Variants in TIAM1 observed in about 807,000 individuals in gnomAD.
TIAM1 encodes TIAM Rac1 associated GEF 1.
A neutral mutation model predicts 163.5 loss-of-function variants in TIAM1; 65 were observed. The ratio of observed to expected loss-of-function variants is 0.40; its 90% CI spans 0.33 to 0.49. TIAM1 has a LOEUF of 0.49. TIAM1 is among the 20% of genes least tolerant of loss of function. TIAM1 has a pLI of 0.77. For synonymous variants in TIAM1, 833 were observed against 810.1 expected (o/e 1.03, Z -0.48); for missense variants, 1,789 against 2,044.7 (o/e 0.87, Z 2.41).
intron 17 of TIAM1, 25 bp from the exon 18 acceptor site, chr21:31,153,159 T>C: frequency 6.3e-7 from 1 of 1,578,414 alleles, no homozygotes; most frequent in Non-Finnish European, 8.7e-7. Context: ...GAGAACTCAT[T>C]AGCTTATGTG....
At chr21:31,165,156 C>T (rs1387936653) in intron 15 of TIAM1, 91 bp from the exon 16 acceptor site, 2 of 1,140,424 alleles carry the variant, frequency 1.8e-6, no homozygotes, top group East Asian at 4.9e-5. Context: ...GAATCTCGCT[C>T]ATGACATGTA....
intron 1 of TIAM1, among the ~76,000 whole-genome samples, chr21:31,554,353 A>G (rs575123614): frequency 1.3e-5 from 2 of 152,286 alleles, no homozygotes; most frequent in Non-Finnish European, 2.9e-5. Flanking sequence ...AGCTGGAATA[A>G]ATAATACAGG....
At chr21:31,188,090 T>C (rs1359353070) in intron 13 of TIAM1, among the ~76,000 whole-genome samples, 1 of 152,050 alleles carries the variant, frequency 6.6e-6, no homozygotes, top group Non-Finnish European at 1.5e-5. Context: ...TTTTGTAAGA[T>C]TGGGTTCCAG....
intron 1 of TIAM1, among the ~76,000 whole-genome samples, chr21:31,492,263 C>T (rs1396818913): frequency 6.6e-6 from 1 of 152,146 alleles, no homozygotes; most frequent in Non-Finnish European, 1.5e-5. Context: ...TAAAAAGCTA[C>T]ATACCTCCCT....
chr21:31,425,493 C>T (rs1384673155), intron 2 of TIAM1, among the ~76,000 whole-genome samples: 1 of 151,954 alleles, frequency 6.6e-6, no homozygotes, highest in Admixed American at 6.6e-5. Flanking sequence ...TTTAAGTCAA[C>T]TAGGGATCTT....
chr21:31,217,525 C>G lies in TIAM1; in HGVS notation c.2142+28G>C, dbSNP rs749610560. 2.5e-6 allele frequency: 4 copies of G among 1,608,220 alleles called. No individual in the cohort carries two copies. The African/African-American group carries it at 4.0e-5, about 16-fold the overall frequency. ...TGGCCACAGAAGTGATTTGTGCGGG[C>G]TCACTTTTCATCTGCTCTGGAACCT... On this transcript the variant is annotated intron_variant, in intron 9 of 27. Transcript: ENST00000541036.
At chr21:31,558,529 T>C (rs2048974657) in intron 1 of TIAM1, among the ~76,000 whole-genome samples, 1 of 151,904 alleles carries the variant, frequency 6.6e-6, no homozygotes, top group East Asian at 1.9e-4. Flanking sequence ...CTCCCCGAAG[T>C]TGACAAAAAT....
chr21:31,161,049 G>GTC (rs2083896146), intron 16 of TIAM1: 1 of 145,688 alleles, frequency 6.9e-6, no homozygotes, highest in Non-Finnish European at 1.5e-5. Context: ...GTGTGTGTGT[G>GTC]TGTGTGTGTG....
rs1187213335 is a variant in TIAM1, at chr21:31,182,576, A to G, written c.2732T>C (p.Leu911Pro). The G allele has an allele frequency of 6.2e-7, 1 of 1,614,110 alleles. No individual in the cohort carries two copies. The change falls in exon 15 of 28, where the codon CTC becomes CCC. Residue 911 changes from leucine (L) to proline (P), a missense_variant. By Grantham distance (98) the Leu-to-Pro change is moderately conservative. Around this residue, in one of 5 missense-constraint regions of TIAM1, gnomAD observed 303 missense variants for 321.3 expected, o/e 0.94. Coordinates refer to ENST00000541036, the MANE Select transcript of TIAM1 (RefSeq NM_001353694.2). ...RAADALNSSM[L>P]KDFLSQPSLG... is the part of the protein sequence containing the mutation. ...CGAGGGCTGTGAGAGGAAATCTTTG[A>G]GCATAGAAGAGTTCAGGGCGTCAGC...
intron 2 of TIAM1, among the ~76,000 whole-genome samples, chr21:31,281,096 A>AAC (rs908204879): frequency 3.3e-5 from 5 of 151,094 alleles, no homozygotes; most frequent in Admixed American, 2.6e-4. Context: ...AAAAAAAAAA[A>AAC]AAAAAAAAAA....
chr21:31,488,900 G>A (rs2046363108), intron 1 of TIAM1, among the ~76,000 whole-genome samples: 1 of 151,780 alleles, frequency 6.6e-6, no homozygotes, highest in African/African-American at 2.4e-5. Flanking sequence ...AGTGAAAAAT[G>A]TTAACAGCAG....
intron 16 of TIAM1, among the ~76,000 whole-genome samples, chr21:31,163,983 C>T (rs558966789): frequency 6.6e-6 from 1 of 152,150 alleles, no homozygotes; most frequent in African/African-American, 2.4e-5. Context: ...GGGGCAGTGT[C>T]GTTTGGATTC....
chr21:31,184,262 T>G (rs1362110314), intron 14 of TIAM1, among the ~76,000 whole-genome samples: 1 of 151,924 alleles, frequency 6.6e-6, no homozygotes, highest in East Asian at 1.9e-4. Context: ...CGCACCACCA[T>G]GCCCAGCTAA....
At chr21:31,465,382 T>G (rs1460724287) in intron 1 of TIAM1, among the ~76,000 whole-genome samples, 1 of 151,552 alleles carries the variant, frequency 6.6e-6, no homozygotes, top group Admixed American at 6.6e-5. Context: ...CATGTGCCAC[T>G]ATGCTTGGTT....
At chr21:31,140,020 C>T (rs1413484795) in intron 22 of TIAM1, among the ~76,000 whole-genome samples, 1 of 152,176 alleles carries the variant, frequency 6.6e-6, no homozygotes, top group African/African-American at 2.4e-5. Flanking sequence ...GTGATTTTTC[C>T]AATGAACCTT....
rs1034774740 is a variant in TIAM1 at position 31,184,799 on chromosome 21, A to T, written c.2663-2154T>A. On this transcript the variant is annotated intron_variant, in intron 14 of 27. Transcript: ENST00000541036. ...AGGCTGCCTATGGCCTAGAAAGTAT[A>T]GAAGGAACAAGAAGGAAAATGCTCC... Among the ~76,000 whole-genome samples the T allele has an allele frequency of 1.1e-4, 16 of 152,328 alleles. No homozygotes were observed. The South Asian group carries it at 3.3e-3, about 32-fold the overall frequency.
chr21:31,375,749 C>T (rs1032662858), intron 2 of TIAM1, among the ~76,000 whole-genome samples: 1 of 152,100 alleles, frequency 6.6e-6, no homozygotes, highest in Non-Finnish European at 1.5e-5. Context: ...AGAAAAAAGG[C>T]CAGGTGTGGT....
intron 15 of TIAM1, among the ~76,000 whole-genome samples, chr21:31,172,880 GAAAA>G (rs34725096): frequency 6.9e-6 from 1 of 144,812 alleles, no homozygotes; most frequent in Non-Finnish European, 1.5e-5. Context: ...TTGAAAGTAA[GAAAA>G]AAAAAAACTG....
At chr21:31,551,093 A>C (rs549817647) in intron 1 of TIAM1, among the ~76,000 whole-genome samples, 1 of 152,262 alleles carries the variant, frequency 6.6e-6, no homozygotes, top group East Asian at 1.9e-4. Context: ...AGGTGCCTGT[A>C]ATCCCAGCCA....
Sources: gnomAD v4.1 joint callset for allele counts (sites outside exome capture counted in the v4.1 genomes callset) on GRCh38, gnomAD v4.1.1 for gene constraint, gnomAD v4.1.1 regional missense constraint, MANE v1.5 for transcripts, NCBI Gene and HGNC (gene_info 2026-07-23, HGNC 2026-07-21) for gene names.